TRIM43B: variants seen among roughly 807,000 people sequenced by gnomAD.
The protein encoded by TRIM43B is tripartite motif containing 43B.
A neutral mutation model predicts 27.0 loss-of-function variants in TRIM43B; 15 were observed. That is an observed-to-expected ratio of 0.55 (90% CI 0.37 to 0.85). The LOEUF (loss-of-function observed/expected upper bound fraction) is 0.85, where lower values mean the gene tolerates loss of function less well. TRIM43B is among the 40% of genes least tolerant of loss of function. The pLI is 0.00. For synonymous variants in TRIM43B, 69 were observed against 97.8 expected (o/e 0.71, Z 1.74); for missense variants, 172 against 289.8 (o/e 0.59, Z 2.95).
chr2:95,481,726 T>A (rs760877428), intron 2 of TRIM43B, 36 bp from the exon 3 acceptor site: 1 of 1,596,172 alleles, frequency 6.3e-7, no homozygotes, highest in Admixed American at 1.7e-5. Flanking sequence ...GAAAGTCAAA[T>A]ACCAAAGATT....
rs367814025 is a variant in TRIM43B, at chr2:95,480,308, G to T, written c.735C>A (p.Leu245=). 8 of 1,604,676 alleles carry T rather than the reference G, an allele frequency of 5.0e-6. 1 individual carries two copies. The African/African-American group carries it at 1.1e-4, about 22-fold the overall frequency. The change falls in exon 4 of 7, where the codon CTC becomes CTA. Residue 245 remains leucine, a synonymous_variant. Coordinates refer to ENST00000639673, the Ensembl canonical transcript of TRIM43B. The stretch of plus-strand genomic sequence containing the variant: ...AAGGGGCATCCTCCATTCTTACCTG[G>T]AGCAGCTCCACCTCTGGTTTATGAC...
chr2:95,483,325 TG>T (rs1683571790), intron 1 of TRIM43B, among the ~76,000 whole-genome samples: 1 of 152,170 alleles, frequency 6.6e-6, no homozygotes, highest in Non-Finnish European at 1.5e-5. Flanking sequence ...TTTTCTAGGC[TG>T]CTATGTTAAT....
At chr2:95,482,376 C>T in exon 2 of TRIM43B, 3 of 1,606,702 alleles carry the variant, frequency 1.9e-6, no homozygotes, top group Admixed American at 1.7e-5. Flanking sequence ...TGGAGCACAG[C>T]AAGCAGAGGA....
At chr2:95,484,369 AAAAT>A (rs1683603285) in intron 1 of TRIM43B, among the ~76,000 whole-genome samples, 2 of 152,008 alleles carry the variant, frequency 1.3e-5, no homozygotes, top group South Asian at 4.2e-4. Flanking sequence ...ATTCCATCTC[AAAAT>A]AAATAAATAA....
At chr2:95,482,410 ATCT>A (rs759578373) in exon 2 of TRIM43B, 9 of 1,603,354 alleles carry the variant, frequency 5.6e-6, no homozygotes, top group Non-Finnish European at 6.8e-6. Context: ...GTCACAGAAC[ATCT>A]TCTTTGTTTG....
Position 95,483,831 on chromosome 2 carries a change from C to T in TRIM43B, c.-5+775G>A, listed in dbSNP as rs183488208. On this transcript the variant is annotated intron_variant, in intron 1 of 6. Transcript: ENST00000639673. ...TAACAGAGCAAGACTCTGTCTCCCC[C>T]CCAAAACAAAAACAAAAACAAAAAC... Among the ~76,000 whole-genome samples the T allele has an allele frequency of 1.3e-3, 199 of 151,572 alleles. 1 individual carries two copies. Among genetic ancestry groups the T allele is most frequent in the Non-Finnish European group, 2.3e-3 (159 of 67,836 alleles).
intron 2 of TRIM43B, among the ~76,000 whole-genome samples, chr2:95,482,050 A>G (rs1195356882): frequency 6.6e-6 from 1 of 151,262 alleles, no homozygotes; most frequent in Non-Finnish European, 1.5e-5. Flanking sequence ...TAGTTTTGGT[A>G]GCTTTTCAAT....
In TRIM43B at chr2:95,480,332, A is replaced by T. The variant is rs758572985; in HGVS notation, c.711T>A (p.Cys237Ter). 80 of 1,609,248 alleles carry T rather than the reference A, an allele frequency of 5.0e-5. 1 individual carries two copies. The highest frequency in any genetic ancestry group is 6.2e-5 in the Non-Finnish European group (73 of 1,177,772). The change falls in exon 4 of 7, where the codon TGT (cysteine) becomes TGA (stop). Residue 237 changes from cysteine (C) to a stop codon, truncating the protein, a stop_gained. Transcript: ENST00000639673. LOFTEE classifies it high-confidence loss of function. The stretch of plus-strand genomic sequence containing the variant: ...GGAGCAGCTCCACCTCTGGTTTATG[A>T]CACATTTCCATTAGTTCCTGATACA...
chr2:95,483,213 CAT>C (rs781516983), intron 1 of TRIM43B, among the ~76,000 whole-genome samples: 1 of 152,064 alleles, frequency 6.6e-6, no homozygotes, highest in Non-Finnish European at 1.5e-5. Flanking sequence ...GAGCAGAACT[CAT>C]ACTTTGACCC....
chr2:95,481,974 G>T, intron 2 of TRIM43B, among the ~76,000 whole-genome samples: 1 of 151,542 alleles, frequency 6.6e-6, no homozygotes, highest in Non-Finnish European at 1.5e-5. Context: ...TTTGTAGTGT[G>T]CTACTCCCAT....
rs575141770 is a variant in TRIM43B at position 95,482,894 on chromosome 2, T to C, written c.-4-176A>G. On this transcript the variant is annotated intron_variant, in intron 1 of 6. Transcript: ENST00000639673. Reference sequence around the variant, plus strand: ...AAACTAAGGCACAAAGAGACATCAATCTCTATAAAAAGTGACTGTTCTCCA... The same window carrying C: ...AAACTAAGGCACAAAGAGACATCAACCTCTATAAAAAGTGACTGTTCTCCA... Among the ~76,000 whole-genome samples the C allele has an allele frequency of 1.6e-4, 25 of 152,194 alleles. 1 individual carries two copies. The South Asian group carries it at 3.5e-3, about 22-fold the overall frequency.
At chr2:95,481,358 T>G (rs899961078) in intron 3 of TRIM43B, among the ~76,000 whole-genome samples, 5 of 152,186 alleles carry the variant, frequency 3.3e-5, no homozygotes, top group African/African-American at 1.2e-4. Context: ...CTGAAATACT[T>G]ATTAATTTTA....
At chr2:95,482,328 G>C (rs763279378) in exon 2 of TRIM43B, 1 of 1,611,456 alleles carries the variant, frequency 6.2e-7, no homozygotes, top group South Asian at 1.1e-5. Flanking sequence ...CTGCCTCTTC[G>C]ATGGGATAGT....
In TRIM43B at chr2:95,483,999, A is replaced by G. The variant is rs560023525; in HGVS notation, c.-5+607T>C. 1.7e-4 allele frequency among the ~76,000 whole-genome samples: 25 copies of G among 151,140 alleles called. 1 individual carries two copies. Among genetic ancestry groups the G allele is most frequent in the Admixed American group, 4.6e-4 (7 of 15,084 alleles). ...CAAGTCAGGCAGGTATTTTGAGCTC[A>G]GGAACTCTAGACTGGTGACACGGTA... On this transcript the variant is annotated intron_variant, in intron 1 of 6. Coordinates refer to ENST00000639673, the Ensembl canonical transcript of TRIM43B.
Position 95,482,554 on chromosome 2 carries a change from G to A in TRIM43B, c.161C>T (p.Ala54Val), listed in dbSNP as rs1028681429. Reference sequence around the variant, plus strand: ...CATTTTCGGTGATGGTTCCCTGCATGCAGGGCAGTTTGCAGGACTTTGGGC... The same window carrying A: ...CATTTTCGGTGATGGTTCCCTGCATACAGGGCAGTTTGCAGGACTTTGGGC... The change falls in exon 2 of 7, where the codon GCA (alanine) becomes GTA (valine). Residue 54 changes from alanine (A) to valine (V), a missense_variant. Ala to Val is a moderately conservative substitution (Grantham distance 64). This residue lies in a region of TRIM43B where 74 missense variants were observed against 150.7 expected (regional missense o/e 0.49). Coordinates refer to ENST00000639673, the Ensembl canonical transcript of TRIM43B. 8 of 1,612,408 alleles carry A rather than the reference G, an allele frequency of 5.0e-6. No homozygotes were observed. The African/African-American group carries it at 1.1e-4, about 22-fold the overall frequency.
exon 2 of TRIM43B, chr2:95,482,692 G>C: frequency 6.2e-7 from 1 of 1,613,696 alleles, no homozygotes; most frequent in South Asian, 1.1e-5. Flanking sequence ...CTTCTGGAAG[G>C]CATGTGAGAA....
At chr2:95,481,912 A>G (rs563334914) in intron 2 of TRIM43B, among the ~76,000 whole-genome samples, 5 of 152,048 alleles carry the variant, frequency 3.3e-5, no homozygotes, top group African/African-American at 1.2e-4. Context: ...AACCCAGCTA[A>G]ATTAGTTCAG....
At chr2:95,483,779 G>A (rs1325836113) in intron 1 of TRIM43B, among the ~76,000 whole-genome samples, 1 of 152,018 alleles carries the variant, frequency 6.6e-6, no homozygotes, top group African/African-American at 2.4e-5. Flanking sequence ...AGTGAGCCGA[G>A]ATAGTGCCAC....
exon 1 of TRIM43B, chr2:95,484,689 T>G (rs906518721): frequency 8.6e-5 from 13 of 151,958 alleles, no homozygotes; most frequent in African/African-American, 3.1e-4. Flanking sequence ...CACAGTGCAG[T>G]GCTGGTAGCT....
Sources: gnomAD v4.1 joint callset for allele counts (sites outside exome capture counted in the v4.1 genomes callset) on GRCh38, gnomAD v4.1.1 for gene constraint, gnomAD v4.1.1 regional missense constraint, MANE v1.5 for transcripts, NCBI Gene and HGNC (gene_info 2026-07-23, HGNC 2026-07-21) for gene names.